SOX6: variants seen among roughly 807,000 people sequenced by gnomAD.
The protein encoded by SOX6 is SRY-box transcription factor 6.
SOX6 carries 11 observed loss-of-function variants against 97.8 expected under a neutral mutation model. That is an observed-to-expected ratio of 0.11 (90% CI 0.07 to 0.19). The LOEUF (loss-of-function observed/expected upper bound fraction) is 0.19, where lower values mean the gene tolerates loss of function less well. SOX6 is among the 10% of genes least tolerant of loss of function. The pLI is 1.00. For missense variants in SOX6, 810 were observed against 1,039.5 expected (o/e 0.78, Z 3.04); for synonymous variants, 360 against 371.4 (o/e 0.97, Z 0.35).
chr11:16,397,043 A>G (rs886681207), intron 1 of SOX6, among the ~76,000 whole-genome samples: 2 of 151,370 alleles, frequency 1.3e-5, no homozygotes, highest in African/African-American at 4.8e-5. Flanking sequence ...CTTTACGTGA[A>G]TATTTTACTT....
chr11:16,038,270 C>G (rs779927092), intron 12 of SOX6, among the ~76,000 whole-genome samples: 1 of 151,978 alleles, frequency 6.6e-6, no homozygotes, highest in Non-Finnish European at 1.5e-5. Context: ...AGAGTATTGA[C>G]GGATGATTGT....
chr11:16,209,479 G>T (rs969471568), intron 4 of SOX6, among the ~76,000 whole-genome samples: 1 of 152,092 alleles, frequency 6.6e-6, no homozygotes, highest in Non-Finnish European at 1.5e-5. Context: ...TTCTGGGCCC[G>T]GCAGGGTGGC....
At chr11:16,026,702 C>T (rs1377420786) in intron 12 of SOX6, among the ~76,000 whole-genome samples, 1 of 152,010 alleles carries the variant, frequency 6.6e-6, no homozygotes, top group East Asian at 1.9e-4. Flanking sequence ...TAAATAAGGT[C>T]AAATGATGTC....
chr11:16,226,229 C>T (rs1039707248), intron 4 of SOX6, among the ~76,000 whole-genome samples: 17 of 151,980 alleles, frequency 1.1e-4, no homozygotes, highest in Non-Finnish European at 2.1e-4. Context: ...ACCTTGATCC[C>T]TAAATGTAAA....
intron 13 of SOX6, among the ~76,000 whole-genome samples, chr11:16,002,020 T>G (rs1854420733): frequency 1.3e-5 from 2 of 152,172 alleles, no homozygotes; most frequent in Admixed American, 6.5e-5. Flanking sequence ...CATTAATGAC[T>G]AATCAATCCC....
chr11:16,367,151 A>G (rs938364964), intron 1 of SOX6, among the ~76,000 whole-genome samples: 1 of 152,172 alleles, frequency 6.6e-6, no homozygotes, highest in Non-Finnish European at 1.5e-5. Context: ...GACTTTGAGA[A>G]GGCACATTTT....
At chr11:16,556,071 A>G (rs1847745022) in intron 4 of SOX6, among the ~76,000 whole-genome samples, 1 of 151,686 alleles carries the variant, frequency 6.6e-6, no homozygotes, top group South Asian at 2.1e-4. Context: ...ATTCTAGAGT[A>G]ACTCACATCT....
At position 15,986,106 on chromosome 11, in the gene SOX6, C is replaced by T. The variant is rs73417034; in HGVS notation, c.2183+98G>A. 5,225 of 1,149,756 alleles carry T rather than the reference C, an allele frequency of 4.5e-3. 163 individuals carry two copies. In the African/African-American group the frequency reaches 0.068, roughly 15 times the overall value. 71.2% of individuals were successfully genotyped at this position (1,149,756 alleles called of 1,614,324 possible). A position where few individuals can be genotyped will look rare whatever the true frequency, so the allele number is the denominator to read the frequency against. On this transcript the variant is annotated intron_variant, in intron 15 of 15. Transcript: ENST00000683767. The stretch of plus-strand genomic sequence containing the variant: ...CCCCTTCAGTATGCCACAACCTCCT[C>T]TTTCCCTAATCTCCTTCCCAAACAT...
intron 1 of SOX6, among the ~76,000 whole-genome samples, chr11:16,344,920 G>A (rs1184343855): frequency 6.6e-6 from 1 of 151,746 alleles, no homozygotes; most frequent in African/African-American, 2.4e-5. Flanking sequence ...AAATGTTGCC[G>A]CTATAATACA....
At chr11:16,268,760 T>G (rs1010024436) in intron 3 of SOX6, among the ~76,000 whole-genome samples, 1 of 151,198 alleles carries the variant, frequency 6.6e-6, no homozygotes, top group African/African-American at 2.4e-5. Flanking sequence ...TCTCTTTGTT[T>G]TGAGATTTTT....
chr11:16,547,862 A>T (rs972566065), intron 4 of SOX6, among the ~76,000 whole-genome samples: 2 of 152,308 alleles, frequency 1.3e-5, no homozygotes, highest in Admixed American at 6.5e-5. Context: ...TACACATTCT[A>T]TGCGTGTAAC....
intron 6 of SOX6, among the ~76,000 whole-genome samples, chr11:16,114,001 T>C (rs1849286443): frequency 6.6e-6 from 1 of 152,170 alleles, no homozygotes. Flanking sequence ...AACTATTCTA[T>C]AGTCACTCTG....
intron 4 of SOX6, among the ~76,000 whole-genome samples, chr11:16,540,332 G>C (rs1425169141): frequency 1.3e-5 from 2 of 151,966 alleles, no homozygotes; most frequent in Non-Finnish European, 2.9e-5. Context: ...AAAATAATAA[G>C]AGCTATCTAT....
intron 9 of SOX6, among the ~76,000 whole-genome samples, chr11:16,084,217 A>T (rs1289655949): frequency 6.6e-6 from 1 of 152,050 alleles, no homozygotes; most frequent in Non-Finnish European, 1.5e-5. Flanking sequence ...ATGTACATAC[A>T]CACATGCTAT....
At chr11:16,690,255 T>C (rs1848002454) in intron 3 of SOX6, among the ~76,000 whole-genome samples, 1 of 152,216 alleles carries the variant, frequency 6.6e-6, no homozygotes, top group African/African-American at 2.4e-5. Flanking sequence ...TTTTATCTTC[T>C]CTGAGTGTGC....
At chr11:16,719,410 T>A (rs1848242413) in intron 2 of SOX6, among the ~76,000 whole-genome samples, 1 of 152,168 alleles carries the variant, frequency 6.6e-6, no homozygotes, top group Non-Finnish European at 1.5e-5. Context: ...TAGAATCAGA[T>A]AATCCCTGGA....
intron 4 of SOX6, among the ~76,000 whole-genome samples, chr11:16,506,938 C>G (rs897996346): frequency 6.6e-6 from 1 of 151,934 alleles, no homozygotes; most frequent in Non-Finnish European, 1.5e-5. Context: ...GTGGCGAATA[C>G]CTGTAATCCC....
At chr11:16,024,438 CACAA>C (rs994768510) in intron 12 of SOX6, among the ~76,000 whole-genome samples, 8 of 151,128 alleles carry the variant, frequency 5.3e-5, no homozygotes, top group Non-Finnish European at 1.2e-4. Context: ...CTATTAGCCT[CACAA>C]ACAATTATCT....
chr11:16,024,098 C>T (rs961809071), intron 12 of SOX6, among the ~76,000 whole-genome samples: 19 of 152,030 alleles, frequency 1.2e-4, no homozygotes, highest in South Asian at 8.3e-4. Flanking sequence ...TGTACTTATA[C>T]GAAGGGTACA....
Sources: gnomAD v4.1 joint callset for allele counts (sites outside exome capture counted in the v4.1 genomes callset) on GRCh38, gnomAD v4.1.1 for gene constraint, MANE v1.5 for transcripts, NCBI Gene and HGNC (gene_info 2026-07-23, HGNC 2026-07-21) for gene names.